The following GALNT13 variants were observed in gnomAD, a reference collection of about 807,000 sequenced individuals.
GALNT13 encodes polypeptide N-acetylgalactosaminyltransferase 13, also known as UDP-GalNAc:polypeptide N-acetylgalactosaminyltransferase 13.
GALNT13 carries 28 observed loss-of-function variants against 64.2 expected under a neutral mutation model. That is an observed-to-expected ratio of 0.44 (90% CI 0.32 to 0.60). The LOEUF (loss-of-function observed/expected upper bound fraction) is 0.60, where lower values mean the gene tolerates loss of function less well. Among genes scored for constraint, GALNT13 ranks in the 20% least tolerant of loss-of-function variants. GALNT13 has a pLI of 0.05. For missense variants in GALNT13, 577 were observed against 669.8 expected (o/e 0.86, Z 1.53); for synonymous variants, 214 against 224.6 (o/e 0.95, Z 0.42).
chr2:154,149,740 G>A (rs1683862444), intron 4 of GALNT13, among the ~76,000 whole-genome samples: 2 of 152,114 alleles, frequency 1.3e-5, no homozygotes, highest in African/African-American at 4.8e-5. Flanking sequence ...TCTGTTATTG[G>A]TGTATAAGAA....
chr2:153,482,058 T>C, the GALNT13 span, among the ~76,000 whole-genome samples: 4 of 152,246 alleles, frequency 2.6e-5, no homozygotes, highest in East Asian at 7.7e-4. Flanking sequence ...CAAAATAGTT[T>C]ATTGAACCAC....
chr2:153,259,773 T>A, the GALNT13 span, among the ~76,000 whole-genome samples: 1 of 152,208 alleles, frequency 6.6e-6, no homozygotes, highest in Non-Finnish European at 1.5e-5. Context: ...TCCTTATAAA[T>A]TACCCAGTCT....
At chr2:154,227,595 C>T (rs1224406499) in intron 4 of GALNT13, among the ~76,000 whole-genome samples, 1 of 150,468 alleles carries the variant, frequency 6.6e-6, no homozygotes, top group Non-Finnish European at 1.5e-5. Flanking sequence ...GTTTTTTGTC[C>T]TTGCGATAGT....
At chr2:153,518,198 T>C in the GALNT13 span, among the ~76,000 whole-genome samples, 1 of 152,202 alleles carries the variant, frequency 6.6e-6, no homozygotes, top group Non-Finnish European at 1.5e-5. Context: ...TCAGACATGT[T>C]ATCTGACCAA....
At chr2:153,545,865 A>G in the GALNT13 span, among the ~76,000 whole-genome samples, 1 of 152,216 alleles carries the variant, frequency 6.6e-6, no homozygotes, top group African/African-American at 2.4e-5. Flanking sequence ...GCCTAGCTCA[A>G]CTTTTCTGCC....
chr2:153,987,837 G>T (rs1694901013), intron 3 of GALNT13, among the ~76,000 whole-genome samples: 1 of 151,538 alleles, frequency 6.6e-6, no homozygotes, highest in African/African-American at 2.4e-5. Flanking sequence ...TTAGTTTTCT[G>T]ACCAAAACTA....
At chr2:154,026,235 T>C (rs1697955428) in intron 3 of GALNT13, among the ~76,000 whole-genome samples, 3 of 152,168 alleles carry the variant, frequency 2.0e-5, no homozygotes, top group Admixed American at 2.0e-4. Flanking sequence ...TATGGCTATA[T>C]TGAGAAGATA....
At chr2:153,667,023 G>A in the GALNT13 span, among the ~76,000 whole-genome samples, 3 of 152,116 alleles carry the variant, frequency 2.0e-5, no homozygotes, top group South Asian at 2.1e-4. Flanking sequence ...AATATACCAG[G>A]CAGGAAAGAA....
At chr2:153,075,996 A>G in the GALNT13 span, among the ~76,000 whole-genome samples, 1 of 152,086 alleles carries the variant, frequency 6.6e-6, no homozygotes, top group African/African-American at 2.4e-5. Flanking sequence ...TGAATATTTC[A>G]TGGTGTATTA....
chr2:153,331,214 G>T, the GALNT13 span, among the ~76,000 whole-genome samples: 6 of 136,446 alleles, frequency 4.4e-5, no homozygotes, highest in African/African-American at 1.6e-4. Flanking sequence ...TGTTCATCAG[G>T]GATATTGGCC....
At chr2:153,821,596 G>A in the GALNT13 span, among the ~76,000 whole-genome samples, 1 of 152,088 alleles carries the variant, frequency 6.6e-6, no homozygotes, top group Non-Finnish European at 1.5e-5. Context: ...GCAATGTTAA[G>A]AGGAAAATTA....
At chr2:153,444,789 G>C in the GALNT13 span, among the ~76,000 whole-genome samples, 1 of 152,070 alleles carries the variant, frequency 6.6e-6, no homozygotes, top group Non-Finnish European at 1.5e-5. Flanking sequence ...TAATTGCTAA[G>C]TGTCATTCCA....
At chr2:153,136,577 G>T in the GALNT13 span, among the ~76,000 whole-genome samples, 1 of 152,052 alleles carries the variant, frequency 6.6e-6, no homozygotes, top group African/African-American at 2.4e-5. Context: ...CAGCCACTCA[G>T]CTAAAAGAAA....
intron 3 of GALNT13, among the ~76,000 whole-genome samples, chr2:154,061,962 A>G (rs1204057691): frequency 6.6e-6 from 1 of 152,182 alleles, no homozygotes; most frequent in Admixed American, 6.5e-5. Flanking sequence ...GACTTGATAT[A>G]TGAAACACAG....
intron 3 of GALNT13, among the ~76,000 whole-genome samples, chr2:154,043,455 T>TATATATATATATACACAC (rs1341373277): frequency 1.4e-4 from 15 of 104,966 alleles, no homozygotes; most frequent in African/African-American, 3.2e-4. Flanking sequence ...TATATATATA[T>TATATATATATATACACAC]ACACACATGT....
intron 3 of GALNT13, among the ~76,000 whole-genome samples, chr2:154,040,022 G>A (rs1372657741): frequency 7.1e-6 from 1 of 140,762 alleles, no homozygotes; most frequent in East Asian, 2.0e-4. Flanking sequence ...TCACTTTACT[G>A]AATGACATAT....
chr2:153,460,410 G>T, the GALNT13 span, among the ~76,000 whole-genome samples: 1 of 151,846 alleles, frequency 6.6e-6, no homozygotes, highest in African/African-American at 2.4e-5. Context: ...TATATAATTC[G>T]TTCAGTTTAT....
chr2:153,311,781 T>G, the GALNT13 span, among the ~76,000 whole-genome samples: 3 of 152,202 alleles, frequency 2.0e-5, no homozygotes, highest in Admixed American at 6.5e-5. Flanking sequence ...ATCTCAGAAG[T>G]GGCATCCCAG....
At chr2:153,091,404 C>A in the GALNT13 span, among the ~76,000 whole-genome samples, 2 of 152,166 alleles carry the variant, frequency 1.3e-5, no homozygotes, top group African/African-American at 4.8e-5. Context: ...TTTTCAGATT[C>A]CCCAGTGGGG....
Sources: gnomAD v4.1 joint callset for allele counts (sites outside exome capture counted in the v4.1 genomes callset) on GRCh38, gnomAD v4.1.1 for gene constraint, MANE v1.5 for transcripts, NCBI Gene and HGNC (gene_info 2026-07-23, HGNC 2026-07-21) for gene names.